Variants in AFF4 observed in about 807,000 individuals in gnomAD.
AFF4 encodes AF4/FMR2 family member 4.
Under a neutral mutation model 124.8 loss-of-function variants are expected in AFF4, and 13 were observed. That is an observed-to-expected ratio of 0.10 (90% CI 0.07 to 0.17). The LOEUF (loss-of-function observed/expected upper bound fraction) is 0.17, where lower values mean the gene tolerates loss of function less well. Among genes scored for constraint, AFF4 ranks in the 10% least tolerant of loss-of-function variants. The pLI, the probability that AFF4 is intolerant of heterozygous loss-of-function variation, is 1.00. For missense variants in AFF4, 1,092 were observed against 1,403.8 expected (o/e 0.78, Z 3.55); for synonymous variants, 477 against 496.1 (o/e 0.96, Z 0.51).
At chr5:132,891,800 CT>C (rs11441608) in intron 13 of AFF4, 4,013 of 222,970 alleles carry the variant, frequency 0.018, no homozygotes, top group East Asian at 0.055. Context: ...TGGTTTCTAT[CT>C]TTTTTTTTTT....
chr5:132,943,597 G>A (rs1761625789), intron 1 of AFF4: 1 of 187,884 alleles, frequency 5.3e-6, no homozygotes, highest in Admixed American at 5.7e-5. Context: ...CTTGGCTCCA[G>A]TCAATGTTAC....
chr5:132,916,293 T>C (rs1760910160), intron 5 of AFF4, among the ~76,000 whole-genome samples: 1 of 129,916 alleles, frequency 7.7e-6, no homozygotes, highest in Admixed American at 8.2e-5. Context: ...ACAGTCTCAA[T>C]AGCTCATGCT....
At chr5:132,941,574 G>T (rs1273480958) in intron 1 of AFF4, among the ~76,000 whole-genome samples, 5 of 152,040 alleles carry the variant, frequency 3.3e-5, no homozygotes, top group African/African-American at 9.7e-5. Context: ...GATCTCAAGA[G>T]ATCTGCTCAC....
chr5:132,928,583 C>T (rs780097866), intron 4 of AFF4, among the ~76,000 whole-genome samples: 2 of 152,126 alleles, frequency 1.3e-5, no homozygotes, highest in Non-Finnish European at 2.9e-5. Flanking sequence ...GCTCTATTCC[C>T]ATCATCTTTT....
chr5:132,902,636 A>C, intron 6 of AFF4, 149 bp from the exon 7 acceptor site: 1 of 652,876 alleles, frequency 1.5e-6, no homozygotes, highest in Non-Finnish European at 2.8e-6. Context: ...GCCCAATAAT[A>C]TGAGATACTG....
intron 5 of AFF4, among the ~76,000 whole-genome samples, chr5:132,922,071 CAT>C (rs1761060864): frequency 6.6e-6 from 1 of 152,154 alleles, no homozygotes; most frequent in African/African-American, 2.4e-5. Flanking sequence ...AGGTGTGAGG[CAT>C]AGACACCTAC....
chr5:132,904,597 A>C (rs1207236499), intron 5 of AFF4, among the ~76,000 whole-genome samples, 193 bp from the exon 6 acceptor site: 1 of 152,252 alleles, frequency 6.6e-6, no homozygotes, highest in African/African-American at 2.4e-5. Context: ...AAAAGCATTA[A>C]GCCACCTAAT....
chr5:132,949,141 T>C (rs893774838), intron 1 of AFF4, among the ~76,000 whole-genome samples: 2 of 151,612 alleles, frequency 1.3e-5, no homozygotes, highest in African/African-American at 4.8e-5. Context: ...TAGGAAGGCA[T>C]GTTGAGAGGG....
In AFF4 at chr5:132,892,212, C is replaced by T; in HGVS notation, c.2589G>A (p.Lys863=). The change falls in exon 13 of 21, where the codon AAG becomes AAA. Residue 863 remains lysine, a synonymous_variant. Transcript: ENST00000265343. ...GSSKNSSSTS[K]QKKTEGKTSS... Reference sequence around the variant, plus strand: ...AAGTCTTCCCTTCGGTCTTCTTCTGCTTTGATGTGGAGGAACTGTTTTTGC... The same window carrying T: ...AAGTCTTCCCTTCGGTCTTCTTCTGTTTTGATGTGGAGGAACTGTTTTTGC... 2 of 1,614,140 alleles carry T rather than the reference C, an allele frequency of 1.2e-6. No individual in the cohort carries two copies. The highest frequency in any genetic ancestry group is 2.2e-5 in the South Asian group (2 of 91,084).
intron 1 of AFF4, among the ~76,000 whole-genome samples, chr5:132,955,777 C>CA (rs1214913729): frequency 0.097 from 6,846 of 70,916 alleles, 377 homozygotes; most frequent in Non-Finnish European, 0.12. Flanking sequence ...GATTCCATCT[C>CA]AAAAAAAAAA....
At chr5:132,897,809 C>T (rs1169565904) in intron 10 of AFF4, among the ~76,000 whole-genome samples, 1 of 151,710 alleles carries the variant, frequency 6.6e-6, no homozygotes, top group Non-Finnish European at 1.5e-5. Context: ...TACAAATTAC[C>T]GTACAGAATA....
intron 5 of AFF4, among the ~76,000 whole-genome samples, chr5:132,910,589 T>C (rs556171051): frequency 1.3e-5 from 2 of 152,332 alleles, no homozygotes; most frequent in South Asian, 2.1e-4. Context: ...ATATTACACA[T>C]GAAGTTGTAC....
Position 132,934,937 on chromosome 5 carries a change from C to G in AFF4, c.128G>C (p.Ser43Thr). 1 of 1,529,802 alleles carries G rather than the reference C, an allele frequency of 6.5e-7. No individual in the cohort carries two copies. Among genetic ancestry groups the G allele is most frequent in the Non-Finnish European group, 8.8e-7 (1 of 1,138,486 alleles). 94.8% of individuals were successfully genotyped at this position (1,529,802 alleles called of 1,614,324 possible). A position where few individuals can be genotyped will look rare whatever the true frequency, so the allele number is the denominator to read the frequency against. Residue 43 changes from serine (S) to threonine (T), a missense_variant, in exon 3 of 21, where the codon AGC (serine) becomes ACC (threonine). Around this residue, in one of 11 missense-constraint regions of AFF4, gnomAD observed 35 missense variants for 70.9 expected, o/e 0.49. Coordinates refer to ENST00000265343, the MANE Select transcript of AFF4 (RefSeq NM_014423.4). ...ACGACTTGATAACTTATCTTCTTTGCTAGTCTACAAAAAAATAAAATAAAA... is the reference window on the plus strand; with the variant it reads ...ACGACTTGATAACTTATCTTCTTTGGTAGTCTACAAAAAAATAAAATAAAA... ...PLFAEPYKVT[S>T]KEDKLSSRIQ...
chr5:132,919,496 A>C (rs1308050857), intron 5 of AFF4, among the ~76,000 whole-genome samples: 1 of 152,252 alleles, frequency 6.6e-6, no homozygotes, highest in African/African-American at 2.4e-5. Context: ...TATTGTAACA[A>C]TATAGAAAAA....
intron 5 of AFF4, among the ~76,000 whole-genome samples, chr5:132,917,862 G>A (rs1490922348): frequency 6.7e-6 from 1 of 149,798 alleles, no homozygotes; most frequent in Admixed American, 6.7e-5. Context: ...ACAGGTGTGT[G>A]CCACCGCACA....
At chr5:132,935,702 C>T (rs369280458) in intron 2 of AFF4, among the ~76,000 whole-genome samples, 1 of 150,182 alleles carries the variant, frequency 6.7e-6, no homozygotes, top group African/African-American at 2.5e-5. Context: ...ACCCGGGAAG[C>T]AGAGGTTGCA....
At chr5:132,893,008 G>T in intron 12 of AFF4, 22 bp downstream of exon 12, 1 of 1,606,970 alleles carries the variant, frequency 6.2e-7, no homozygotes, top group Non-Finnish European at 8.5e-7. Flanking sequence ...ACACTGGCAT[G>T]CAACATGTTT....
chr5:132,934,911 T>G lies in AFF4; in HGVS notation c.154A>C (p.Ile52Leu). The G allele has an allele frequency of 1.3e-6, 2 of 1,598,854 alleles. No homozygotes were observed. The highest frequency in any genetic ancestry group is 1.7e-6 in the Non-Finnish European group (2 of 1,173,668). The change falls in exon 3 of 21, where the codon ATT (isoleucine) becomes CTT (leucine). Residue 52 changes from isoleucine (I) to leucine (L), a missense_variant. Ile to Leu is a conservative substitution (Grantham distance 5, BLOSUM62 2). Coordinates refer to ENST00000265343, the MANE Select transcript of AFF4 (RefSeq NM_014423.4). Reference sequence around the variant, plus strand: ...TCGTAGTTTCCAAGCATACTCTGAATACGACTTGATAACTTATCTTCTTTG... The same window carrying G: ...TCGTAGTTTCCAAGCATACTCTGAAGACGACTTGATAACTTATCTTCTTTG... ...TSKEDKLSSRIQSMLGNYDEM... is the reference protein window; with the variant it reads ...TSKEDKLSSRLQSMLGNYDEM...
intron 1 of AFF4, among the ~76,000 whole-genome samples, chr5:132,942,518 G>A (rs963665325): frequency 4.7e-5 from 7 of 149,330 alleles, no homozygotes; most frequent in African/African-American, 1.5e-4. Flanking sequence ...AGGCTGGAGT[G>A]CAATGGCACC....
Sources: gnomAD v4.1 joint callset for allele counts (sites outside exome capture counted in the v4.1 genomes callset) on GRCh38, gnomAD v4.1.1 for gene constraint, gnomAD v4.1.1 regional missense constraint, MANE v1.5 for transcripts, NCBI Gene and HGNC (gene_info 2026-07-23, HGNC 2026-07-21) for gene names.